The following RASEF variants were observed in gnomAD, a reference collection of about 807,000 sequenced individuals.
RASEF encodes ras and EF-hand domain-containing protein.
RASEF carries 68 observed loss-of-function variants against 90.1 expected under a neutral mutation model. That is an observed-to-expected ratio of 0.75 (90% confidence interval 0.62 to 0.92). RASEF has a LOEUF of 0.92. Among genes scored for constraint, RASEF ranks in the 40% least tolerant of loss-of-function variants. RASEF has a pLI of 0.00. For missense variants in RASEF, 949 were observed against 937.2 expected (o/e 1.01, Z -0.16); for synonymous variants, 331 against 345.2 (o/e 0.96, Z 0.46).
the RASEF span, among the ~76,000 whole-genome samples, chr9:83,182,754 G>A: frequency 1.3e-5 from 2 of 152,072 alleles, 1 homozygote; most frequent in South Asian, 4.1e-4. Flanking sequence ...AAGTATTTGG[G>A]TGATTTACGT....
chr9:83,196,062 G>A, the RASEF span, among the ~76,000 whole-genome samples: 1 of 152,128 alleles, frequency 6.6e-6, no homozygotes, highest in African/African-American at 2.4e-5. Context: ...ACTTCAAGGT[G>A]TTTCGCCTGA....
chr9:83,019,433 C>T (rs371170416), intron 3 of RASEF, among the ~76,000 whole-genome samples: 3 of 152,000 alleles, frequency 2.0e-5, no homozygotes, highest in East Asian at 1.9e-4. Flanking sequence ...CTCTACACAC[C>T]GATTAGAATG....
intron 4 of RASEF, among the ~76,000 whole-genome samples, chr9:83,013,391 T>C (rs530196315): frequency 2.6e-5 from 4 of 152,306 alleles, no homozygotes; most frequent in African/African-American, 7.2e-5. Context: ...TATAAAGGGA[T>C]AGTGTTTACA....
At chr9:83,198,027 T>C in the RASEF span, among the ~76,000 whole-genome samples, 4 of 152,338 alleles carry the variant, frequency 2.6e-5, no homozygotes, top group East Asian at 5.8e-4. Flanking sequence ...CTCGATGCCA[T>C]GACAAACTCA....
At chr9:83,009,805 C>T (rs754944285) in intron 5 of RASEF, 49 bp from the exon 6 acceptor site, 1 of 1,193,412 alleles carries the variant, frequency 8.4e-7, no homozygotes, top group Admixed American at 1.7e-5. Flanking sequence ...TTTCCTCTGC[C>T]TGGGAGAAAT....
chr9:83,072,564 G>A, the RASEF span, among the ~76,000 whole-genome samples: 2 of 152,238 alleles, frequency 1.3e-5, no homozygotes, highest in African/African-American at 4.8e-5. Flanking sequence ...GAAGCCAACA[G>A]TGCAGCCTTC....
upstream of RASEF, among the ~76,000 whole-genome samples, chr9:83,064,411 G>A (rs73471442): frequency 0.061 from 9,329 of 152,256 alleles, 632 homozygotes; most frequent in African/African-American, 0.17. Context: ...TTAGTGCAAT[G>A]TAAGTTGTTA....
At position 82,980,942 on chromosome 9, in the gene RASEF, A is replaced by C. The variant is rs1326388020; in HGVS notation, c.*1735T>G. ...TCAATAGAGAGAAGGCATGTTTATA[A>C]AAGTTAAATGATGTTGTAGCTATTT... is the stretch of plus-strand genomic sequence containing the variant. On this transcript the variant is annotated 3_prime_UTR_variant, in exon 17 of 17. Coordinates refer to ENST00000376447, the MANE Select transcript of RASEF (RefSeq NM_152573.4). The C allele has an allele frequency of 6.6e-6, 1 of 152,198 alleles. No homozygotes were observed. The highest frequency in any genetic ancestry group is 2.4e-5 in the African/African-American group (1 of 41,450). The allele number at this position is 152,198 out of a possible 1,614,324, so 9.4% of individuals were successfully genotyped here. A position where few individuals can be genotyped will look rare whatever the true frequency, so the allele number is the denominator to read the frequency against.
chr9:82,993,915 C>T (rs1828860004), intron 14 of RASEF, among the ~76,000 whole-genome samples: 1 of 152,214 alleles, frequency 6.6e-6, no homozygotes, highest in Non-Finnish European at 1.5e-5. Context: ...CATTTCCCAC[C>T]TCAGCAGGCT....
the RASEF span, among the ~76,000 whole-genome samples, chr9:83,109,162 T>C: frequency 6.6e-6 from 1 of 152,254 alleles, no homozygotes; most frequent in Non-Finnish European, 1.5e-5. Context: ...TAAGCACTTT[T>C]ACAGCAGGGC....
Position 83,027,809 on chromosome 9 carries a change from T to A in RASEF, c.432-1888A>T, listed in dbSNP as rs547356612. ...TGAAGCCTGTGTAACTCATCTGCTATGGATGGATGCTATAGCCAGGTGTAG... is the reference window on the plus strand; with the variant it reads ...TGAAGCCTGTGTAACTCATCTGCTAAGGATGGATGCTATAGCCAGGTGTAG... On this transcript the variant is annotated intron_variant, in intron 1 of 16. Coordinates refer to ENST00000376447, the MANE Select transcript of RASEF (RefSeq NM_152573.4). Among the ~76,000 whole-genome samples the A allele has an allele frequency of 2.0e-5, 3 of 152,164 alleles. No homozygotes were observed. The East Asian group carries it at 5.8e-4, about 29-fold the overall frequency.
chr9:83,012,255 C>A (rs936368340), intron 5 of RASEF, among the ~76,000 whole-genome samples, 179 bp downstream of exon 5: 1 of 152,090 alleles, frequency 6.6e-6, no homozygotes, highest in Non-Finnish European at 1.5e-5. Flanking sequence ...CAATAAGTGG[C>A]ATATTATTGA....
the RASEF span, among the ~76,000 whole-genome samples, chr9:83,214,228 A>G: frequency 1.3e-5 from 2 of 152,138 alleles, no homozygotes; most frequent in Admixed American, 1.3e-4. Flanking sequence ...TACTAAAAAT[A>G]CAAAAATTAG....
the RASEF span, among the ~76,000 whole-genome samples, chr9:83,111,522 CTG>C: frequency 6.6e-6 from 1 of 152,158 alleles, no homozygotes; most frequent in East Asian, 1.9e-4. Context: ...AAACAAGTAA[CTG>C]TGAGGCGATG....
chr9:82,985,368 C>G (rs1021856287), intron 16 of RASEF, among the ~76,000 whole-genome samples: 5 of 152,208 alleles, frequency 3.3e-5, no homozygotes, highest in Admixed American at 2.6e-4. Flanking sequence ...TTCACTATCA[C>G]GAGAATAGCA....
At chr9:83,132,682 A>T in the RASEF span, among the ~76,000 whole-genome samples, 1 of 152,158 alleles carries the variant, frequency 6.6e-6, no homozygotes, top group Admixed American at 6.5e-5. Context: ...CATCTTCAAG[A>T]CTGACATTAG....
intron 16 of RASEF, among the ~76,000 whole-genome samples, chr9:82,988,062 C>T (rs571122390): frequency 6.6e-6 from 1 of 152,358 alleles, no homozygotes; most frequent in Admixed American, 6.5e-5. Context: ...TCCCCACTGC[C>T]ATCTGTGCCA....
In RASEF at chr9:82,982,639, T is replaced by G. The variant is rs1828629384; in HGVS notation, c.*38A>C. 9.0e-7 allele frequency: 1 copy of G among 1,111,842 alleles called. No homozygotes were observed. The highest frequency in any genetic ancestry group is 1.5e-5 in the African/African-American group (1 of 65,210). The allele number at this position is 1,111,842 out of a possible 1,614,324, so 68.9% of individuals were successfully genotyped here. On this transcript the variant is annotated 3_prime_UTR_variant, in exon 17 of 17. Transcript: ENST00000376447. The stretch of plus-strand genomic sequence containing the variant: ...AATAAGTCACACAAATTCAGTATTC[T>G]GGAAATGAAGACTTCACAGGCCAAG...
chr9:83,194,433 C>A, the RASEF span, among the ~76,000 whole-genome samples: 9,948 of 152,190 alleles, frequency 0.065, 788 homozygotes, highest in East Asian at 0.19. Flanking sequence ...TGCACCCTTC[C>A]CTACATGAGG....
Sources: allele counts gnomAD v4.1 joint callset (sites outside exome capture counted in the v4.1 genomes callset), GRCh38; gene constraint gnomAD v4.1.1; transcripts MANE v1.5; gene names NCBI Gene and HGNC (gene_info 2026-07-23, HGNC 2026-07-21).